SPHKAP: variants seen among roughly 807,000 people sequenced by gnomAD.
SPHKAP encodes A-kinase anchor protein SPHKAP.
SPHKAP carries 67 observed loss-of-function variants against 137.5 expected under a neutral mutation model. That is an observed-to-expected ratio of 0.49 (90% CI 0.40 to 0.60). The LOEUF (loss-of-function observed/expected upper bound fraction) is 0.60. Ranked by LOEUF, SPHKAP falls within the 20% of genes least tolerant of loss-of-function variation. SPHKAP has a pLI of 0.00. For missense variants in SPHKAP, 2,097 were observed against 2,069.3 expected (o/e 1.01, Z -0.26); for synonymous variants, 813 against 785.3 (o/e 1.04, Z -0.59).
In SPHKAP at chr2:228,034,797, A is replaced by T. The variant is rs189834958; in HGVS notation, c.247-7254T>A. On this transcript the variant is annotated intron_variant, in intron 3 of 11. Coordinates refer to ENST00000392056, the MANE Select transcript of SPHKAP (RefSeq NM_001142644.2). The stretch of plus-strand genomic sequence containing the variant: ...ATGAAAACTACATGATTATCTTAAT[A>T]GATGCAGAAAAGGCTTTCGACAAAA... 1.3e-4 allele frequency among the ~76,000 whole-genome samples: 20 copies of T among 152,374 alleles called. No individual in the cohort carries two copies. The East Asian group carries it at 3.5e-3, about 26-fold the overall frequency.
At chr2:228,085,503 A>G (rs1697508192) in intron 3 of SPHKAP, among the ~76,000 whole-genome samples, 1 of 152,152 alleles carries the variant, frequency 6.6e-6, no homozygotes, top group African/African-American at 2.4e-5. Flanking sequence ...ACAGAGAATG[A>G]CTCAATTTTA....
chr2:228,081,624 A>T (rs1449544882), intron 3 of SPHKAP, among the ~76,000 whole-genome samples: 1 of 152,216 alleles, frequency 6.6e-6, no homozygotes, highest in Admixed American at 6.5e-5. Flanking sequence ...TTAAAGAAAG[A>T]AGGAAATACT....
rs542191243 is a variant in SPHKAP, at chr2:228,161,729, A to C, written c.32+19838T>G. ...GAACAAAATAAAATAAAATAAAATA[A>C]AATAAAATACATGTTTGCTTAGAAG... On this transcript the variant is annotated intron_variant, in intron 1 of 11. Transcript: ENST00000392056. Among the ~76,000 whole-genome samples the C allele has an allele frequency of 1.5e-3, 224 of 152,282 alleles. 1 individual carries two copies. The highest frequency in any genetic ancestry group is 2.8e-3 in the Non-Finnish European group (188 of 68,030).
At chr2:228,069,263 G>A (rs1201147397) in intron 3 of SPHKAP, among the ~76,000 whole-genome samples, 1 of 152,070 alleles carries the variant, frequency 6.6e-6, no homozygotes, top group Non-Finnish European at 1.5e-5. Flanking sequence ...GCAAAACTCT[G>A]TCTCAAAACA....
In SPHKAP at chr2:228,177,217, A is replaced by T. The variant is rs142380392; in HGVS notation, c.32+4350T>A. Among the ~76,000 whole-genome samples the T allele has an allele frequency of 3.6e-4, 53 of 149,274 alleles. No individual in the cohort carries two copies. In the East Asian group the frequency reaches 9.1e-3, roughly 26 times the overall value. Reference sequence around the variant, plus strand: ...AGCCTTTTTTTTTTTTTCTGTTGGGAATTGCCTTCAGAATTCCAGTCTCTT... The same window carrying T: ...AGCCTTTTTTTTTTTTTCTGTTGGGTATTGCCTTCAGAATTCCAGTCTCTT... On this transcript the variant is annotated intron_variant, in intron 1 of 11. Transcript: ENST00000392056.
chr2:228,017,469 ACT>A lies in SPHKAP; in HGVS notation c.3383_3384del (p.Glu1128ValfsTer12). On this transcript the variant is annotated frameshift_variant, in exon 7 of 12. Transcript: ENST00000392056. LOFTEE classifies it high-confidence loss of function. ...ATCTGGTTCACCATGAACCTGGAAA[ACT>A]CATCGGTGATGCTCTCACAGCTCGA... ...KQSSCESITD[E>X]FSRFMVNQME... 6.2e-7 allele frequency: 1 copy of A among 1,612,064 alleles called. No individual in the cohort carries two copies. Among genetic ancestry groups the A allele is most frequent in the Non-Finnish European group, 8.5e-7 (1 of 1,179,554 alleles).
chr2:228,027,689 C>T (rs767646977), intron 3 of SPHKAP, 146 bp from the exon 4 acceptor site: 23 of 811,998 alleles, frequency 2.8e-5, no homozygotes, highest in East Asian at 8.3e-5. Context: ...CATTTCAGGG[C>T]GGGCGCAGTG....
chr2:228,136,145 C>T (rs1383768782), intron 1 of SPHKAP, among the ~76,000 whole-genome samples: 2 of 152,134 alleles, frequency 1.3e-5, no homozygotes, highest in Non-Finnish European at 2.9e-5. Context: ...CTGAAATTGA[C>T]ATTAAAAGAA....
At chr2:227,996,125 A>G in intron 7 of SPHKAP, 3 of 985,228 alleles carry the variant, frequency 3.0e-6, no homozygotes, top group Non-Finnish European at 3.6e-6. Flanking sequence ...GGATCATTAG[A>G]AAAATACCTA....
intron 1 of SPHKAP, among the ~76,000 whole-genome samples, chr2:228,180,345 T>C (rs1472120032): frequency 6.6e-6 from 1 of 152,190 alleles, no homozygotes; most frequent in Non-Finnish European, 1.5e-5. Context: ...CAGCCTTCAA[T>C]GCCTTTGGAA....
chr2:228,114,347 T>A (rs1248934468), intron 2 of SPHKAP, among the ~76,000 whole-genome samples: 1 of 152,064 alleles, frequency 6.6e-6, no homozygotes, highest in Non-Finnish European at 1.5e-5. Flanking sequence ...GAGGGAGAAA[T>A]AGACTTTGGA....
At chr2:228,109,087 G>A (rs1428472737) in intron 2 of SPHKAP, 148 bp from the exon 3 acceptor site, 8 of 565,632 alleles carry the variant, frequency 1.4e-5, no homozygotes, top group Non-Finnish European at 2.0e-5. Context: ...AAACTTGCAG[G>A]ATGATAGCAC....
At chr2:228,113,252 T>C (rs991943793) in intron 2 of SPHKAP, among the ~76,000 whole-genome samples, 1 of 152,156 alleles carries the variant, frequency 6.6e-6, no homozygotes, top group African/African-American at 2.4e-5. Context: ...TCTTTAATTA[T>C]TGACCAAATA....
chr2:228,062,199 A>G (rs1490667995), intron 3 of SPHKAP, among the ~76,000 whole-genome samples: 3 of 147,036 alleles, frequency 2.0e-5, no homozygotes, highest in Non-Finnish European at 1.5e-5. Context: ...ATCTTGTCTC[A>G]TTGCAACCTC....
At chr2:228,154,177 C>T (rs1035456098) in intron 1 of SPHKAP, among the ~76,000 whole-genome samples, 5 of 151,614 alleles carry the variant, frequency 3.3e-5, no homozygotes, top group African/African-American at 7.3e-5. Context: ...ATTAATAAAA[C>T]GACAGACAAA....
chr2:227,992,047 G>A (rs1693432443), intron 9 of SPHKAP, among the ~76,000 whole-genome samples: 2 of 152,150 alleles, frequency 1.3e-5, no homozygotes, highest in South Asian at 4.1e-4. Flanking sequence ...AACCTTGCAT[G>A]TAGTGGGAGG....
chr2:228,046,342 C>G (rs919249023), intron 3 of SPHKAP, among the ~76,000 whole-genome samples: 7 of 109,544 alleles, frequency 6.4e-5, no homozygotes, highest in Admixed American at 2.4e-4. Flanking sequence ...GATGTATATC[C>G]TGATTTCTGT....
At chr2:227,991,807 C>T (rs1472859236) in intron 9 of SPHKAP, 2 of 554,304 alleles carry the variant, frequency 3.6e-6, no homozygotes, top group African/African-American at 4.1e-5. Context: ...AATAATTTTA[C>T]ATGTATATGG....
In SPHKAP at chr2:228,024,631, A is replaced by C. The variant is rs577962252; in HGVS notation, c.441+763T>G. On this transcript the variant is annotated intron_variant, in intron 5 of 11. Transcript: ENST00000392056. Reference sequence around the variant, plus strand: ...TTTTGAAGAGTTGAAGGATAAAAGAAGACTTTAAAAATTGACAGTGAAATT... The same window carrying C: ...TTTTGAAGAGTTGAAGGATAAAAGACGACTTTAAAAATTGACAGTGAAATT... Among the ~76,000 whole-genome samples, 6 of 152,262 alleles carry C rather than the reference A, an allele frequency of 3.9e-5. No homozygotes were observed. The South Asian group carries it at 1.2e-3, about 32-fold the overall frequency.
Sources: allele counts gnomAD v4.1 joint callset (sites outside exome capture counted in the v4.1 genomes callset), GRCh38; gene constraint gnomAD v4.1.1; transcripts MANE v1.5; gene names NCBI Gene and HGNC (gene_info 2026-07-23, HGNC 2026-07-21).